The following P2RX7 variants were observed in gnomAD, a reference collection of about 807,000 sequenced individuals.
P2RX7 encodes purinergic receptor P2X 7, also known as P2X purinoceptor 7.
Under a neutral mutation model 71.6 loss-of-function variants are expected in P2RX7, and 62 were observed. That is an observed-to-expected ratio of 0.87 (90% CI 0.71 to 1.07). P2RX7 has a LOEUF of 1.07. Among genes scored for constraint, P2RX7 ranks in the 50% least tolerant of loss-of-function variants. P2RX7 has a pLI of 0.00. For missense variants in P2RX7, 686 were observed against 748.5 expected (o/e 0.92, Z 0.97); for synonymous variants, 299 against 283.3 (o/e 1.06, Z -0.56).
At chr12:121,145,498 T>A (rs1425019237) in intron 1 of P2RX7, among the ~76,000 whole-genome samples, 1 of 150,556 alleles carries the variant, frequency 6.6e-6, no homozygotes, top group African/African-American at 2.5e-5. Flanking sequence ...GCCCTTTCTT[T>A]CTTCTTTCTT....
Position 121,177,455 on chromosome 12 carries a change from G to A in P2RX7, c.1188+9G>A, listed in dbSNP as rs1213955578. On this transcript the variant is annotated intron_variant, in intron 11 of 12. Coordinates refer to ENST00000328963, the MANE Select transcript of P2RX7 (RefSeq NM_002562.6). ...TTGTGGAGCCAAAGCCGGTGAGGCC[G>A]CTGTGTTCACAGGACACCAAGACAT... 8.7e-6 allele frequency: 14 copies of A among 1,611,660 alleles called. No homozygotes were observed. The highest frequency in any genetic ancestry group is 3.3e-5 in the Admixed American group (2 of 59,982).
At chr12:121,169,654 C>A (rs1881776590) in intron 8 of P2RX7, among the ~76,000 whole-genome samples, 1 of 152,046 alleles carries the variant, frequency 6.6e-6, no homozygotes, top group Admixed American at 6.6e-5. Context: ...GCCTGTAATC[C>A]CAGCACTTTG....
intron 1 of P2RX7, among the ~76,000 whole-genome samples, chr12:121,136,023 A>AAATATAT: frequency 1.3e-4 from 2 of 15,256 alleles, no homozygotes; most frequent in African/African-American, 2.5e-4. Flanking sequence ...AAAAAAAAAA[A>AAATATAT]ATATATATAT....
At chr12:121,145,395 A>C (rs1343271441) in intron 1 of P2RX7, among the ~76,000 whole-genome samples, 1 of 152,172 alleles carries the variant, frequency 6.6e-6, no homozygotes, top group East Asian at 1.9e-4. Flanking sequence ...TTACTTGGCA[A>C]GAGAGGCTTT....
Position 121,161,089 on chromosome 12 carries a change from A to T in P2RX7, c.436+115A>T, listed in dbSNP as rs970711839. The T allele has an allele frequency of 4.9e-6, 4 of 817,440 alleles. No homozygotes were observed. The African/African-American group carries it at 6.7e-5, about 14-fold the overall frequency. The allele number at this position is 817,440 out of a possible 1,614,324, so 50.6% of individuals were successfully genotyped here. ...CTGCTCTCAGCTGCCCTCTTCCACC[A>T]TCACCAAGCCATAGGCGAGTCTGCC... On this transcript the variant is annotated intron_variant, in intron 4 of 12. Coordinates refer to ENST00000328963, the MANE Select transcript of P2RX7 (RefSeq NM_002562.6).
intron 1 of P2RX7, among the ~76,000 whole-genome samples, chr12:121,146,968 T>C (rs1201141053): frequency 6.6e-6 from 1 of 152,226 alleles, no homozygotes; most frequent in African/African-American, 2.4e-5. Flanking sequence ...TAAAACTATC[T>C]TTAGTCACAG....
chr12:121,148,191 TA>T (rs1876628311), intron 1 of P2RX7, among the ~76,000 whole-genome samples: 1 of 125,172 alleles, frequency 8.0e-6, no homozygotes, highest in Non-Finnish European at 1.8e-5. Context: ...GGATCTTTTT[TA>T]TTTATTTATT....
rs201791555 is a variant in P2RX7, at chr12:121,184,562, G to A, written c.1548G>A (p.Leu516=). 1.9e-6 allele frequency: 3 copies of A among 1,614,074 alleles called. No homozygotes were observed. The highest frequency in any genetic ancestry group is 1.7e-6 in the Non-Finnish European group (2 of 1,180,050). ...CITTSELFRK[L]VLSRHVLQFL... ...CCACCTCAGAGCTGTTCAGGAAGCT[G>A]GTCCTGTCCAGACACGTCCTGCAGT... The change falls in exon 13 of 13, where the codon CTG becomes CTA. Residue 516 remains leucine, a synonymous_variant. Transcript: ENST00000328963.
At chr12:121,136,492 AT>A (rs111788243) in intron 1 of P2RX7, among the ~76,000 whole-genome samples, 3 of 148,514 alleles carry the variant, frequency 2.0e-5, no homozygotes, top group African/African-American at 7.4e-5. Flanking sequence ...CTAATTTTTT[AT>A]TTTTTTTTGT....
At chr12:121,135,449 C>T (rs1000069620) in intron 1 of P2RX7, among the ~76,000 whole-genome samples, 8 of 151,956 alleles carry the variant, frequency 5.3e-5, no homozygotes, top group Admixed American at 2.6e-4. Context: ...AAAGTAACCA[C>T]GTCCAAGTTC....
At chr12:121,146,202 G>A (rs923289996) in intron 1 of P2RX7, among the ~76,000 whole-genome samples, 4 of 151,172 alleles carry the variant, frequency 2.6e-5, no homozygotes, top group African/African-American at 7.3e-5. Context: ...CCCATCCTAC[G>A]GGCCCTGTGC....
chr12:121,175,391 C>T lies in P2RX7; in HGVS notation c.885C>T (p.Tyr295=), dbSNP rs201518034. 7.7e-5 allele frequency: 123 copies of T among 1,596,354 alleles called. No individual in the cohort carries two copies. Among genetic ancestry groups the T allele is most frequent in the Non-Finnish European group, 9.1e-5 (106 of 1,165,246 alleles). Residue 295 remains tyrosine, a synonymous_variant, in exon 9 of 13, where the codon TAC becomes TAT. Transcript: ENST00000328963. ...VSLYPGYNFR[Y]AKYYKENNVE... is the part of the protein sequence containing the mutation. ...ACAGATCCTTTTCTTCCTACAGATA[C>T]GCCAAGTACTACAAGGAAAACAATG...
chr12:121,167,747 G>A (rs528821285), intron 8 of P2RX7, 123 bp downstream of exon 8: 420 of 730,346 alleles, frequency 5.8e-4, no homozygotes, highest in Middle Eastern at 1.0e-3. Context: ...TAAGAACTAG[G>A]TGATAACTGA....
chr12:121,143,069 G>A (rs1875323764), intron 1 of P2RX7, among the ~76,000 whole-genome samples: 1 of 146,472 alleles, frequency 6.8e-6, no homozygotes, highest in African/African-American at 2.6e-5. Context: ...GGGACAGAGT[G>A]AGACTTCATC....
intron 1 of P2RX7, among the ~76,000 whole-genome samples, chr12:121,139,272 G>T (rs1226263906): frequency 1.3e-5 from 2 of 152,212 alleles, no homozygotes; most frequent in Non-Finnish European, 2.9e-5. Context: ...TTCCAAGTGG[G>T]TTGAGAAGCC....
At chr12:121,137,641 T>C (rs965033853) in intron 1 of P2RX7, among the ~76,000 whole-genome samples, 1 of 152,158 alleles carries the variant, frequency 6.6e-6, no homozygotes, top group Non-Finnish European at 1.5e-5. Context: ...CAGTACACAG[T>C]TTGGGAAATG....
chr12:121,159,960 T>C (rs764485216), intron 3 of P2RX7, among the ~76,000 whole-genome samples: 3 of 152,192 alleles, frequency 2.0e-5, no homozygotes, highest in South Asian at 2.1e-4. Context: ...TTTTTATTTA[T>C]TTGTATTGGG....
chr12:121,180,444 C>A lies in P2RX7; in HGVS notation c.1279C>A (p.Gln427Lys). The A allele has an allele frequency of 1.3e-6, 2 of 1,556,688 alleles. No homozygotes were observed. The highest frequency in any genetic ancestry group is 1.7e-6 in the Non-Finnish European group (2 of 1,144,220). The change falls in exon 12 of 13, where the codon CAA becomes AAA. Residue 427 changes from glutamine (Q) to lysine (K), a missense_variant. Coordinates refer to ENST00000328963, the MANE Select transcript of P2RX7 (RefSeq NM_002562.6). The stretch of plus-strand genomic sequence containing the variant: ...GAGAAGTCTGCAAGATGTCAAGGGC[C>A]AAGAAGTCCCAGTAAGTTAAATCAT... ...LGRSLQDVKG[Q>K]EVPRPAMDFT...
intron 11 of P2RX7, among the ~76,000 whole-genome samples, chr12:121,180,019 C>A (rs1883852946): frequency 6.6e-6 from 1 of 151,904 alleles, no homozygotes; most frequent in Non-Finnish European, 1.5e-5. Flanking sequence ...CATGATGGTG[C>A]ATGCCTGTAA....
Sources: allele counts gnomAD v4.1 joint callset (sites outside exome capture counted in the v4.1 genomes callset), GRCh38; gene constraint gnomAD v4.1.1; transcripts MANE v1.5; gene names NCBI Gene and HGNC (gene_info 2026-07-23, HGNC 2026-07-21).